Variants in SLC4A4 observed in about 807,000 individuals in gnomAD.
The protein encoded by SLC4A4 is electrogenic sodium bicarbonate cotransporter 1.
SLC4A4 carries 27 observed loss-of-function variants against 111.5 expected under a neutral mutation model. That is an observed-to-expected ratio of 0.24 (90% confidence interval 0.18 to 0.33). SLC4A4 has a LOEUF of 0.33. Among genes scored for constraint, SLC4A4 ranks in the 10% least tolerant of loss-of-function variants. The pLI, the probability that SLC4A4 is intolerant of heterozygous loss-of-function variation, is 1.00. For synonymous variants in SLC4A4, 443 were observed against 463.4 expected (o/e 0.96, Z 0.57); for missense variants, 909 against 1,315.5 (o/e 0.69, Z 4.78).
intron 12 of SLC4A4, among the ~76,000 whole-genome samples, chr4:71,462,943 A>C (rs1038639708): frequency 2.6e-5 from 4 of 152,132 alleles, no homozygotes; most frequent in Admixed American, 6.6e-5. Flanking sequence ...GCTCCACTAC[A>C]GTGTCTCAAT....
chr4:71,460,259 T>A lies in SLC4A4; in HGVS notation c.1498-6185T>A, dbSNP rs1726695812. Among the ~76,000 whole-genome samples, 3 of 152,150 alleles carry A rather than the reference T, an allele frequency of 2.0e-5. No individual in the cohort carries two copies. The South Asian group carries it at 6.2e-4, about 32-fold the overall frequency. On this transcript the variant is annotated intron_variant, in intron 12 of 25. Coordinates refer to ENST00000264485, the MANE Select transcript of SLC4A4 (RefSeq NM_001098484.3). ...AAGATAAAGGAAATATTTACCCACA[T>A]ATTTTAGTTCTTTTCTGTTTTCGTT...
chr4:71,262,079 T>A (rs1028595306), intron 3 of SLC4A4, among the ~76,000 whole-genome samples: 2 of 152,198 alleles, frequency 1.3e-5, no homozygotes, highest in African/African-American at 4.8e-5. Flanking sequence ...TGGTTTGGGA[T>A]TCAAATTTAC....
chr4:71,155,187 C>T (rs986638648), intron 2 of SLC4A4, among the ~76,000 whole-genome samples: 2 of 152,026 alleles, frequency 1.3e-5, no homozygotes, highest in East Asian at 1.9e-4. Flanking sequence ...CCCATGGACC[C>T]TTCTACTTCT....
chr4:71,200,584 C>A lies in SLC4A4; in HGVS notation c.-2+13183C>A, dbSNP rs568331560. On this transcript the variant is annotated intron_variant, in intron 1 of 25. Coordinates refer to ENST00000264485, the MANE Select transcript of SLC4A4 (RefSeq NM_001098484.3). ...CACAGCTATGACACCCTCTTTACAA[C>A]ATAAAGGATAAGCAAAAGGATGTAT... Among the ~76,000 whole-genome samples, 5 of 152,234 alleles carry A rather than the reference C, an allele frequency of 3.3e-5. No individual in the cohort carries two copies. The East Asian group carries it at 9.7e-4, about 29-fold the overall frequency.
chr4:71,193,187 G>T (rs954860746), intron 1 of SLC4A4, among the ~76,000 whole-genome samples: 1 of 152,046 alleles, frequency 6.6e-6, no homozygotes, highest in Non-Finnish European at 1.5e-5. Flanking sequence ...TGAACATGTC[G>T]CCCTGTCTGT....
intron 7 of SLC4A4, among the ~76,000 whole-genome samples, chr4:71,409,307 A>T (rs1025261244): frequency 6.6e-6 from 1 of 152,170 alleles, no homozygotes; most frequent in Non-Finnish European, 1.5e-5. Context: ...AAAGTGTGGA[A>T]CCTCTAGAGA....
At chr4:71,186,741 T>G (rs1482347796), upstream of SLC4A4, 1 of 151,992 alleles carries the variant, frequency 6.6e-6, no homozygotes, top group Non-Finnish European at 1.5e-5. Flanking sequence ...CGGCTTTAAA[T>G]ATGGATCGCA....
At chr4:71,075,122 T>C (rs1741772315) in intron 1 of SLC4A4, among the ~76,000 whole-genome samples, 1 of 152,202 alleles carries the variant, frequency 6.6e-6, no homozygotes, top group Admixed American at 6.5e-5. Flanking sequence ...TTATTGCACC[T>C]GATGGGAAAA....
intron 4 of SLC4A4, among the ~76,000 whole-genome samples, chr4:71,346,620 C>T (rs555132842): frequency 2.8e-4 from 43 of 151,966 alleles, no homozygotes; most frequent in Admixed American, 5.2e-4. Flanking sequence ...TTGCCTTAGC[C>T]TTTTCTTTAA....
At chr4:71,483,596 T>A (rs986550819) in intron 14 of SLC4A4, among the ~76,000 whole-genome samples, 7 of 151,884 alleles carry the variant, frequency 4.6e-5, no homozygotes, top group African/African-American at 1.7e-4. Flanking sequence ...AAGTTGATTC[T>A]ATGTTTTTGC....
upstream of SLC4A4, among the ~76,000 whole-genome samples, chr4:71,183,974 A>G (rs1745378072): frequency 6.6e-6 from 1 of 152,182 alleles, no homozygotes; most frequent in Non-Finnish European, 1.5e-5. Flanking sequence ...ACATCCAACA[A>G]TATTTTTCAC....
chr4:71,308,237 T>A (rs1725846177), intron 3 of SLC4A4, among the ~76,000 whole-genome samples: 1 of 152,190 alleles, frequency 6.6e-6, no homozygotes, highest in African/African-American at 2.4e-5. Flanking sequence ...CCTAACACAG[T>A]GCCTAGTAGG....
At chr4:71,187,103 G>GCACC (rs1419596117), upstream of SLC4A4, 1 of 152,054 alleles carries the variant, frequency 6.6e-6, no homozygotes, top group African/African-American at 2.4e-5. Context: ...TCCGGAGCGC[G>GCACC]CACCCACCCA....
chr4:71,237,213 T>C (rs1393035570), intron 2 of SLC4A4, among the ~76,000 whole-genome samples: 1 of 152,238 alleles, frequency 6.6e-6, no homozygotes, highest in Non-Finnish European at 1.5e-5. Context: ...TAGTGCCTGT[T>C]AAAAACTAAA....
chr4:71,355,583 T>C (rs562862552), intron 5 of SLC4A4, among the ~76,000 whole-genome samples: 1 of 152,352 alleles, frequency 6.6e-6, no homozygotes, highest in Admixed American at 6.5e-5. Flanking sequence ...GTGACAGTTA[T>C]GGCACCTCTG....
At chr4:71,278,079 G>T (rs550181140) in intron 3 of SLC4A4, among the ~76,000 whole-genome samples, 2 of 151,798 alleles carry the variant, frequency 1.3e-5, no homozygotes, top group South Asian at 4.2e-4. Context: ...TTGTATCCTT[G>T]GACCAACATC....
chr4:71,089,511 T>C (rs1742312453), intron 1 of SLC4A4, among the ~76,000 whole-genome samples: 2 of 152,198 alleles, frequency 1.3e-5, no homozygotes, highest in East Asian at 1.9e-4. Context: ...CTCTGTTTTT[T>C]CCCCATCTTT....
chr4:71,473,502 T>C (rs1430281560), intron 14 of SLC4A4, among the ~76,000 whole-genome samples: 1 of 151,840 alleles, frequency 6.6e-6, no homozygotes, highest in Non-Finnish European at 1.5e-5. Flanking sequence ...AGTTTATCTC[T>C]ACTAGACAAA....
At chr4:71,255,140 C>T (rs1721350038) in intron 2 of SLC4A4, 80 bp from the exon 3 acceptor site, 2 of 1,270,976 alleles carry the variant, frequency 1.6e-6, no homozygotes, top group African/African-American at 2.9e-5. Flanking sequence ...ACATTTTCTT[C>T]TGATCTGTGT....
Sources: gnomAD v4.1 joint callset for allele counts (sites outside exome capture counted in the v4.1 genomes callset) on GRCh38, gnomAD v4.1.1 for gene constraint, MANE v1.5 for transcripts, NCBI Gene and HGNC (gene_info 2026-07-23, HGNC 2026-07-21) for gene names.